Variants in STRA6 observed in about 807,000 individuals in gnomAD.
The protein encoded by STRA6 is signaling receptor and transporter of retinol STRA6.
Under a neutral mutation model 83.6 loss-of-function variants are expected in STRA6, and 48 were observed. That is an observed-to-expected ratio of 0.57 (90% confidence interval 0.46 to 0.73). The LOEUF is 0.73. Ranked by LOEUF, STRA6 falls within the 30% of genes least tolerant of loss-of-function variation. STRA6 has a pLI of 0.00. For missense variants in STRA6, 760 were observed against 838.8 expected (o/e 0.91, Z 1.16); for synonymous variants, 353 against 362.3 (o/e 0.97, Z 0.29).
At chr15:74,207,663 G>C (rs557098379), upstream of STRA6, 1 of 1,525,152 alleles carries the variant, frequency 6.6e-7, no homozygotes. Flanking sequence ...CAAGAGAGGC[G>C]TTCCAGGAGT....
At chr15:74,191,820 C>A (rs1023872273) in intron 8 of STRA6, 4 of 437,004 alleles carry the variant, frequency 9.2e-6, no homozygotes, top group Admixed American at 3.5e-5. Context: ...AGCCCTCTGG[C>A]CTCTGCTAGC....
intron 2 of STRA6, among the ~76,000 whole-genome samples, chr15:74,200,923 C>T (rs1484615315): frequency 6.6e-6 from 1 of 152,164 alleles, no homozygotes; most frequent in Admixed American, 6.5e-5. Context: ...CCCTGAGGCT[C>T]CCAAGGACAC....
rs114739123 is a variant in STRA6 at position 74,187,167 on chromosome 15, T to G, written c.1090+1948A>C. Among the ~76,000 whole-genome samples the G allele has an allele frequency of 3.7e-3, 562 of 152,194 alleles. 3 individuals carry two copies. The highest frequency in any genetic ancestry group is 0.011 in the African/African-American group (477 of 41,502). The stretch of plus-strand genomic sequence containing the variant: ...GGTGAGTGTACAGGCTAACACAGGG[T>G]TGAAGGGTTAGCAGCCCCCTTGGCC... On this transcript the variant is annotated intron_variant, in intron 12 of 18. Coordinates refer to ENST00000395105, the MANE Select transcript of STRA6 (RefSeq NM_022369.4).
chr15:74,184,109 G>T, intron 13 of STRA6, 120 bp from the exon 14 acceptor site: 1 of 1,462,428 alleles, frequency 6.8e-7, no homozygotes, highest in Non-Finnish European at 9.3e-7. Context: ...CATCAGCAGG[G>T]AAGCCCAGAA....
rs200483434 is a variant in STRA6 at position 74,180,928 on chromosome 15, G to A, written c.1694C>T (p.Thr565Met). Residue 565 changes from threonine (T) to methionine (M), a missense_variant, in exon 18 of 19, where the codon ACG (threonine) becomes ATG (methionine). Coordinates refer to ENST00000395105, the MANE Select transcript of STRA6 (RefSeq NM_022369.4). The stretch of plus-strand genomic sequence containing the variant: ...TTCAATCTTCAAGAAGTTTCGGTAC[G>A]TGTAGTAGCCTGGGGTGGGGTGGCG... ...RAATLDPGYY[T>M]YRNFLKIEVS... 2.7e-5 allele frequency: 44 copies of A among 1,613,910 alleles called. No individual in the cohort carries two copies. In the Admixed American group the frequency reaches 3.8e-4, roughly 14 times the overall value.
intron 18 of STRA6, 65 bp from the exon 19 acceptor site, chr15:74,180,308 G>T: frequency 6.3e-7 from 1 of 1,599,600 alleles, no homozygotes; most frequent in South Asian, 1.1e-5. Context: ...CTGGCCCTCA[G>T]ACCTGATCAG....
chr15:74,202,737 G>GCCTCCC lies in STRA6; in HGVS notation c.-41_-40insGGGAGG. ...CCAGAAGGGAGGCCCAGGGAGGAAG[G>GCCTCCC]AGTTGCAGAGATGAAAGGGTAGGCA... On this transcript the variant is annotated 5_prime_UTR_variant, in exon 1 of 19. Transcript: ENST00000395105. 2 of 1,238,344 alleles carry GCCTCCC rather than the reference G, an allele frequency of 1.6e-6. No homozygotes were observed. Among genetic ancestry groups the GCCTCCC allele is most frequent in the South Asian group, 6.9e-5 (2 of 29,064 alleles). The allele number at this position is 1,238,344 out of a possible 1,614,324, so 76.7% of individuals were successfully genotyped here.
At chr15:74,197,857 GC>G in intron 2 of STRA6, 39 bp from the exon 3 acceptor site, 2 of 1,605,366 alleles carry the variant, frequency 1.2e-6, no homozygotes. Flanking sequence ...CCTGCGTCAG[GC>G]CCCCCTGGGT....
At chr15:74,196,352 T>C (rs2073822279) in intron 4 of STRA6, 10 of 788,216 alleles carry the variant, frequency 1.3e-5, no homozygotes, top group Non-Finnish European at 2.0e-5. Flanking sequence ...CAAAGGGACT[T>C]GGGACACACA....
Position 74,195,383 on chromosome 15 carries a change from T to G in STRA6, c.516A>C (p.Ala172=), listed in dbSNP as rs769474614. 2 of 1,613,512 alleles carry G rather than the reference T, an allele frequency of 1.2e-6. No homozygotes were observed. Among genetic ancestry groups the G allele is most frequent in the Non-Finnish European group, 1.7e-6 (2 of 1,180,018 alleles). The change falls in exon 7 of 19, where the codon GCA becomes GCC. Residue 172 remains alanine (A), a synonymous_variant. Coordinates refer to ENST00000395105, the MANE Select transcript of STRA6 (RefSeq NM_022369.4). ...AACATAGHTA[A]HLLGSTLSWA... ...AGGACAGCGTGCTGCCGAGCAGGTG[T>G]GCAGCTGTGTGGCCAGCCGTGGCAC...
At chr15:74,191,636 C>G in intron 8 of STRA6, 145 bp from the exon 9 acceptor site, 1 of 736,408 alleles carries the variant, frequency 1.4e-6, no homozygotes, top group East Asian at 2.6e-5. Flanking sequence ...GTGGATGGGG[C>G]TGACCTGTGG....
rs140365915 is a variant in STRA6, at chr15:74,185,173, C to G, written c.1091-118G>C. 2.4e-3 allele frequency: 2,407 copies of G among 1,000,642 alleles called. 29 individuals carry two copies. The African/African-American group carries it at 0.031, about 13-fold the overall frequency. The allele number at this position is 1,000,642 out of a possible 1,614,324, so 62.0% of individuals were successfully genotyped here. On this transcript the variant is annotated intron_variant, in intron 12 of 18. Transcript: ENST00000395105. ...AGTTCCCCCTGCCCCAAACTGAACT[C>G]TGTGTGGAAGCCTCTTGGCCCCACC...
intron 2 of STRA6, among the ~76,000 whole-genome samples, chr15:74,198,655 G>C (rs1196403925): frequency 2.0e-5 from 3 of 152,164 alleles, no homozygotes; most frequent in South Asian, 2.1e-4. Context: ...CTCTCATTGA[G>C]AGCCTCCATG....
rs1489468553 is a variant in STRA6, at chr15:74,195,635, G to A, written c.430+17C>T. On this transcript the variant is annotated intron_variant, in intron 6 of 18. Coordinates refer to ENST00000395105, the MANE Select transcript of STRA6 (RefSeq NM_022369.4). ...AGGCTCTGACTAGTCTCAACTCTGT[G>A]ATCTTGGGCAAGTTACCTCTTGGAG... is the stretch of plus-strand genomic sequence containing the variant. 3.2e-6 allele frequency: 5 copies of A among 1,539,022 alleles called. No individual in the cohort carries two copies. The highest frequency in any genetic ancestry group is 4.4e-6 in the Non-Finnish European group (5 of 1,135,402).
chr15:74,193,330 T>G (rs1409849967), intron 8 of STRA6, among the ~76,000 whole-genome samples: 2 of 152,056 alleles, frequency 1.3e-5, no homozygotes, highest in African/African-American at 4.8e-5. Flanking sequence ...CCTTGTAGAG[T>G]CTACCTCCTC....
chr15:74,196,175 A>T (rs2073812349), intron 4 of STRA6, 28 bp from the exon 5 acceptor site: 2 of 1,612,322 alleles, frequency 1.2e-6, no homozygotes, highest in Non-Finnish European at 1.7e-6. Context: ...ACAGGGCAGG[A>T]GGGAGTTGCT....
chr15:74,195,739 C>A lies in STRA6; in HGVS notation c.407-64G>T, dbSNP rs927052589. ...AAAATGAGAAGGTGGATATATAATG[C>A]TTAGCATGGTGCCTGAGCAAATACT... On this transcript the variant is annotated intron_variant, in intron 5 of 18. Coordinates refer to ENST00000395105, the MANE Select transcript of STRA6 (RefSeq NM_022369.4). The A allele has an allele frequency of 6.3e-6, 6 of 956,618 alleles. No individual in the cohort carries two copies. In the African/African-American group the frequency reaches 9.8e-5, roughly 16 times the overall value. The allele number at this position is 956,618 out of a possible 1,614,324, so 59.3% of individuals were successfully genotyped here. A position where few individuals can be genotyped will look rare whatever the true frequency, so the allele number is the denominator to read the frequency against.
upstream of STRA6, among the ~76,000 whole-genome samples, chr15:74,205,329 G>A (rs1262325668): frequency 6.6e-6 from 1 of 152,204 alleles, no homozygotes; most frequent in African/African-American, 2.4e-5. Context: ...TGTGCAGGAA[G>A]CAGCACGGCA....
At chr15:74,182,027 G>T (rs1175502097) in intron 16 of STRA6, 134 bp downstream of exon 16, 2 of 822,104 alleles carry the variant, frequency 2.4e-6, no homozygotes, top group Non-Finnish European at 2.0e-6. Context: ...GGTAAGGCAA[G>T]CTCTTTCTAC....
Sources: allele counts gnomAD v4.1 joint callset (sites outside exome capture counted in the v4.1 genomes callset), GRCh38; gene constraint gnomAD v4.1.1; transcripts MANE v1.5; gene names NCBI Gene and HGNC (gene_info 2026-07-23, HGNC 2026-07-21).